OTULIN: variants seen among roughly 807,000 people sequenced by gnomAD.
OTULIN encodes the protein OTU deubiquitinase with linear linkage specificity, also known as ubiquitin thioesterase otulin.
A neutral mutation model predicts 39.6 loss-of-function variants in OTULIN; 15 were observed. The observed-to-expected ratio is 0.38, with a 90% CI of 0.25 to 0.58. OTULIN has a LOEUF of 0.58. OTULIN is among the 20% of genes least tolerant of loss of function. The probability of loss-of-function intolerance (pLI) is 0.66; values close to 1 mark genes in which losing one functional copy is unlikely to be tolerated. For missense variants in OTULIN, 319 were observed against 445.9 expected (o/e 0.72, Z 2.56); for synonymous variants, 156 against 170.3 (o/e 0.92, Z 0.65).
intron 5 of OTULIN, among the ~76,000 whole-genome samples, chr5:14,689,079 T>A (rs527244066): frequency 6.6e-6 from 1 of 152,290 alleles, no homozygotes; most frequent in Non-Finnish European, 1.5e-5. Context: ...TCATCACTGT[T>A]TTTTAGGTGA....
chr5:14,667,667 G>A (rs1735884428), intron 1 of OTULIN, among the ~76,000 whole-genome samples: 1 of 152,212 alleles, frequency 6.6e-6, no homozygotes, highest in South Asian at 2.1e-4. Flanking sequence ...GAGCCACAGT[G>A]CCCAGTGATG....
chr5:14,711,187 G>T, the OTULIN span: 4 of 1,607,448 alleles, frequency 2.5e-6, no homozygotes, highest in South Asian at 3.3e-5. Flanking sequence ...TGCCCATGGC[G>T]TCCCGTGCCT....
intron 2 of OTULIN, 139 bp from the exon 3 acceptor site, chr5:14,678,542 G>A (rs1360429228): frequency 8.2e-6 from 5 of 611,560 alleles, no homozygotes; most frequent in Non-Finnish European, 1.4e-5. Flanking sequence ...CTGGACCAGC[G>A]GTTAGGCAGT....
At position 14,678,577 on chromosome 5, in the gene OTULIN, TGAA is replaced by T. The variant is rs369641000; in HGVS notation, c.230-100_230-98del. On this transcript the variant is annotated intron_variant, in intron 2 of 6. Coordinates refer to ENST00000284274, the MANE Select transcript of OTULIN (RefSeq NM_138348.6). ...TGGTTGAATTCTGGATTTTTTGACG[TGAA>T]GAAAGAAAATGAAGAGTGAAGGGTA... 4.1e-4 allele frequency: 331 copies of T among 813,640 alleles called. 1 individual carries two copies. The African/African-American group carries it at 4.9e-3, about 12-fold the overall frequency. The allele number at this position is 813,640 out of a possible 1,614,324, so 50.4% of individuals were successfully genotyped here.
intron 1 of OTULIN, among the ~76,000 whole-genome samples, chr5:14,668,696 A>T (rs1460578980): frequency 1.3e-5 from 2 of 152,398 alleles, no homozygotes; most frequent in East Asian, 3.8e-4. Context: ...ACTAAGGGGA[A>T]CAACTTTTAA....
At position 14,665,052 on chromosome 5, in the gene OTULIN, G is replaced by T. The variant is rs1393234137; in HGVS notation, c.152+75G>T. The T allele has an allele frequency of 4.2e-6, 4 of 941,814 alleles. 1 individual carries two copies. The Admixed American group carries it at 2.9e-4, about 68-fold the overall frequency. 58.3% of individuals were successfully genotyped at this position (941,814 alleles called of 1,614,324 possible). ...CCCTCCGGAAGCCGGGCTGGGGTGG[G>T]GAGTCGTCAGCGGAGGGTCCTGGGC... is the stretch of plus-strand genomic sequence containing the variant. On this transcript the variant is annotated intron_variant, in intron 1 of 6. Transcript: ENST00000284274.
rs1204673659 is a variant in OTULIN, at chr5:14,664,728, C to A, written c.-98C>A. On this transcript the variant is annotated 5_prime_UTR_variant, in exon 1 of 7. Transcript: ENST00000284274. The stretch of plus-strand genomic sequence containing the variant: ...GCTCTGCGGGCCCTCGGAAACCGCC[C>A]CGGCGGCTGAGAGGCTGCGGCCACT... 3 of 1,072,132 alleles carry A rather than the reference C, an allele frequency of 2.8e-6. No homozygotes were observed. Among genetic ancestry groups the A allele is most frequent in the African/African-American group, 3.4e-5 (2 of 59,228 alleles). 66.4% of individuals were successfully genotyped at this position (1,072,132 alleles called of 1,614,324 possible).
chr5:14,669,998 A>G (rs879915295), intron 1 of OTULIN, among the ~76,000 whole-genome samples: 3 of 152,236 alleles, frequency 2.0e-5, no homozygotes, highest in East Asian at 3.8e-4. Context: ...ACAATGGTAT[A>G]GAACACTAGA....
the OTULIN span, among the ~76,000 whole-genome samples, chr5:14,712,313 T>C: frequency 2.4e-3 from 370 of 152,370 alleles, 3 homozygotes; most frequent in African/African-American, 8.4e-3. Flanking sequence ...TCCCCACCCA[T>C]GTGTCCTCGT....
chr5:14,699,757 A>G lies in OTULIN; in HGVS notation c.*6709A>G, dbSNP rs1331404642. On this transcript the variant is annotated 3_prime_UTR_variant, in exon 7 of 7. Coordinates refer to ENST00000284274, the MANE Select transcript of OTULIN (RefSeq NM_138348.6). ...GAAGTTGTTTGTACAGTATTTTTCT[A>G]TTGACCGCTTCCGTCTTGCCTGAAA... 1.3e-5 allele frequency: 2 copies of G among 152,316 alleles called. No individual in the cohort carries two copies. Among genetic ancestry groups the G allele is most frequent in the Non-Finnish European group, 2.9e-5 (2 of 68,046 alleles). The allele number at this position is 152,316 out of a possible 1,614,324, so 9.4% of individuals were successfully genotyped here.
the OTULIN span, chr5:14,712,808 C>T: frequency 5.2e-5 from 76 of 1,473,800 alleles, no homozygotes; most frequent in East Asian, 1.7e-3. Context: ...TGGTCAGTGG[C>T]TGCTCAGGTT....
chr5:14,692,278 C>T (rs1337721941), intron 6 of OTULIN, among the ~76,000 whole-genome samples: 3 of 152,186 alleles, frequency 2.0e-5, no homozygotes, highest in African/African-American at 7.2e-5. Context: ...TTAAAATTGA[C>T]CATTTTAAAG....
chr5:14,705,856 G>A, the OTULIN span: 1 of 152,246 alleles, frequency 6.6e-6, no homozygotes, highest in Non-Finnish European at 1.5e-5. Flanking sequence ...TTCAAACCGT[G>A]GGTCCCTGCA....
At chr5:14,687,254 G>T (rs957443071) in intron 4 of OTULIN, among the ~76,000 whole-genome samples, 3 of 152,168 alleles carry the variant, frequency 2.0e-5, no homozygotes, top group African/African-American at 7.2e-5. Flanking sequence ...TGTCCTGGCC[G>T]TGGTTGGAGT....
chr5:14,689,160 G>GT lies in OTULIN; in HGVS notation c.595-879_595-878insT, dbSNP rs560858537. Among the ~76,000 whole-genome samples, 67 of 152,266 alleles carry GT rather than the reference G, an allele frequency of 4.4e-4. 1 individual carries two copies. The highest frequency in any genetic ancestry group is 5.4e-4 in the Non-Finnish European group (37 of 68,036). ...CACAGCTGCTCTGTGGTGAAGCCTT[G>GT]ATTCCATCCCGACTGACTTTAGAGC... is the stretch of plus-strand genomic sequence containing the variant. On this transcript the variant is annotated intron_variant, in intron 5 of 6. Transcript: ENST00000284274.
chr5:14,715,951 C>A, the OTULIN span, among the ~76,000 whole-genome samples: 1 of 152,218 alleles, frequency 6.6e-6, no homozygotes, highest in Non-Finnish European at 1.5e-5. Flanking sequence ...TCCAGCAGTC[C>A]TTCTCTGTCT....
the OTULIN span, among the ~76,000 whole-genome samples, chr5:14,713,868 C>T: frequency 6.6e-6 from 1 of 152,250 alleles, no homozygotes; most frequent in Non-Finnish European, 1.5e-5. This position sits in a 1 kb window ranked among gnomAD's most constrained non-coding sequence, Gnocchi z 4.4. Flanking sequence ...CTCCCCGCCT[C>T]CTCACAGCCC....
chr5:14,681,974 A>G (rs1392968745), intron 4 of OTULIN, among the ~76,000 whole-genome samples: 1 of 152,232 alleles, frequency 6.6e-6, no homozygotes, highest in Non-Finnish European at 1.5e-5. Flanking sequence ...GTTTTTAGCT[A>G]TAATTCAATA....
chr5:14,676,609 G>C (rs1385228896), intron 2 of OTULIN, among the ~76,000 whole-genome samples: 1 of 152,206 alleles, frequency 6.6e-6, no homozygotes, highest in Non-Finnish European at 1.5e-5. Context: ...TGGGGTGCTG[G>C]GCTTGCCCCA....
Sources: allele counts gnomAD v4.1 joint callset (sites outside exome capture counted in the v4.1 genomes callset), GRCh38; gene constraint gnomAD v4.1.1; non-coding constraint Gnocchi (gnomAD v3.1); transcripts MANE v1.5; gene names NCBI Gene and HGNC (gene_info 2026-07-23, HGNC 2026-07-21).